Variants in CUX1 observed in about 807,000 individuals in gnomAD.
CUX1 encodes cut like homeobox 1, also known as protein CASP.
Under a neutral mutation model 158.8 loss-of-function variants are expected in CUX1, and 31 were observed. That is an observed-to-expected ratio of 0.20 (90% confidence interval 0.15 to 0.26). The LOEUF is 0.26. CUX1 is among the 10% of genes least tolerant of loss of function. The probability of loss-of-function intolerance (pLI) is 1.00; values close to 1 mark genes in which losing one functional copy is unlikely to be tolerated. For missense variants in CUX1, 1,589 were observed against 2,014.6 expected (o/e 0.79, Z 4.04); for synonymous variants, 879 against 862.1 (o/e 1.02, Z -0.34).
At chr7:101,832,353 A>G (rs145840862) in intron 1 of CUX1, among the ~76,000 whole-genome samples, 308 of 152,302 alleles carry the variant, frequency 2.0e-3, no homozygotes, top group Non-Finnish European at 3.6e-3. Context: ...CAGCAGGGGC[A>G]GGGAACAGCC....
At chr7:102,056,021 A>G (rs1236762464) in intron 3 of CUX1, among the ~76,000 whole-genome samples, 3 of 152,208 alleles carry the variant, frequency 2.0e-5, no homozygotes, top group Non-Finnish European at 2.9e-5. Flanking sequence ...AATTGTCTCA[A>G]GCCAAAGCCC....
rs190930525 is a variant in CUX1 at position 102,256,132 on chromosome 7, C to G, written c.*7090C>G. 1,793 of 985,376 alleles carry G rather than the reference C, an allele frequency of 1.8e-3. 1 individual carries two copies. The highest frequency in any genetic ancestry group is 2.1e-3 in the Non-Finnish European group (1,720 of 829,934). 61.0% of individuals were successfully genotyped at this position (985,376 alleles called of 1,614,324 possible). A position where few individuals can be genotyped will look rare whatever the true frequency, so the allele number is the denominator to read the frequency against. On this transcript the variant is annotated 3_prime_UTR_variant, in exon 24 of 24. Coordinates refer to ENST00000292535, the MANE Select transcript of CUX1 (RefSeq NM_181552.4). Reference sequence around the variant, plus strand: ...GCGTGCAGGGCCCGCGGGCTCTGGCCGGAGCCGCTGGCCTGACGAGGCAGG... The same window carrying G: ...GCGTGCAGGGCCCGCGGGCTCTGGCGGGAGCCGCTGGCCTGACGAGGCAGG...
Position 102,026,818 on chromosome 7 carries a change from TAAAAAAAAAAA to T in CUX1, c.142-1264_142-1254del, listed in dbSNP as rs10533217. On this transcript the variant is annotated intron_variant, in intron 2 of 23. Transcript: ENST00000292535. ...CTAGGCAACAGTGAGACTCCGTCTT[TAAAAAAAAAAA>T]AAAAAAAAAAAAAAACATAGTTTCA... 3.1e-5 allele frequency among the ~76,000 whole-genome samples: 3 copies of T among 96,316 alleles called. No individual in the cohort carries two copies. In the South Asian group the frequency reaches 1.1e-3, roughly 36 times the overall value. The allele number at this position is 96,316 out of a possible 152,430, so 63.2% of individuals were successfully genotyped here.
intron 8 of CUX1, among the ~76,000 whole-genome samples, chr7:102,150,945 T>G (rs919533243): frequency 2.0e-5 from 3 of 152,264 alleles, no homozygotes; most frequent in Admixed American, 6.5e-5. Context: ...TAAATCATTT[T>G]GCTGAGCAAA....
chr7:101,857,459 G>A (rs1359135303), intron 1 of CUX1, among the ~76,000 whole-genome samples: 1 of 152,230 alleles, frequency 6.6e-6, no homozygotes, highest in African/African-American at 2.4e-5. Flanking sequence ...GGGGACGGAT[G>A]AAAAATGAGG....
At chr7:101,991,777 A>G in intron 2 of CUX1, among the ~76,000 whole-genome samples, 1 of 140,010 alleles carries the variant, frequency 7.1e-6, no homozygotes, top group African/African-American at 2.6e-5. Flanking sequence ...AAAAAAAAAA[A>G]TCAGTTAGTA....
intron 1 of CUX1, among the ~76,000 whole-genome samples, chr7:101,863,173 C>T (rs1406860719): frequency 1.3e-5 from 2 of 151,896 alleles, no homozygotes; most frequent in East Asian, 1.9e-4. Flanking sequence ...AGCACACCCT[C>T]GAAAAATGAC....
Position 101,916,515 on chromosome 7 carries a change from G to A in CUX1, c.141+290G>A. On this transcript the variant is annotated intron_variant, in intron 2 of 23. Coordinates refer to ENST00000292535, the MANE Select transcript of CUX1 (RefSeq NM_181552.4). This position sits in a 1 kb window ranked among gnomAD's most constrained non-coding sequence, Gnocchi z 4.4. The stretch of plus-strand genomic sequence containing the variant: ...GTAAGAACACGTGGGCAGGTGTGTG[G>A]GTGTCTCAGACCCTCGAGCTCATCC... 3.0e-6 allele frequency: 1 copy of A among 334,850 alleles called. No homozygotes were observed. Among genetic ancestry groups the A allele is most frequent in the South Asian group, 2.5e-5 (1 of 39,828 alleles). The allele number at this position is 334,850 out of a possible 1,614,324, so 20.7% of individuals were successfully genotyped here.
intron 12 of CUX1, among the ~76,000 whole-genome samples, chr7:102,190,690 G>A (rs1247149261): frequency 1.3e-5 from 2 of 152,172 alleles, no homozygotes; most frequent in African/African-American, 4.8e-5. Context: ...GCTTCTCGCG[G>A]CTGGAGCTCT....
intron 1 of CUX1, among the ~76,000 whole-genome samples, chr7:101,900,716 G>T (rs1802053029): frequency 6.6e-6 from 1 of 152,058 alleles, no homozygotes; most frequent in Non-Finnish European, 1.5e-5. Context: ...ACAGCCACAG[G>T]TAGAGGTCTA....
At chr7:102,203,279 C>T (rs1326881611) in intron 18 of CUX1, among the ~76,000 whole-genome samples, 1 of 152,212 alleles carries the variant, frequency 6.6e-6, no homozygotes, top group Non-Finnish European at 1.5e-5. Flanking sequence ...AAGCACCCCT[C>T]TCCCCTAAAA....
At chr7:102,272,914 C>T (rs111925847) in intron 14 of CUX1, among the ~76,000 whole-genome samples, 3,067 of 152,244 alleles carry the variant, frequency 0.02, 95 homozygotes, top group African/African-American at 0.07. Flanking sequence ...CTTTCTCTGC[C>T]TCTCCTACCC....
intron 20 of CUX1, among the ~76,000 whole-genome samples, chr7:102,208,155 T>G (rs909042392): frequency 2.0e-5 from 3 of 151,714 alleles, no homozygotes; most frequent in Non-Finnish European, 4.4e-5. Context: ...GCCACTGCAC[T>G]CCAAGCTGGG....
At position 101,916,032 on chromosome 7, in the gene CUX1, G is replaced by A; in HGVS notation, c.31-83G>A. 1 of 960,684 alleles carries A rather than the reference G, an allele frequency of 1.0e-6. No individual in the cohort carries two copies. The highest frequency in any genetic ancestry group is 1.7e-6 in the Non-Finnish European group (1 of 592,050). The allele number at this position is 960,684 out of a possible 1,614,324, so 59.5% of individuals were successfully genotyped here. Reference sequence around the variant, plus strand: ...GAGCCACTGGGGTCTCTCCCCCAGTGTTCTGGTCAAATGCAAATAGGACCC... The same window carrying A: ...GAGCCACTGGGGTCTCTCCCCCAGTATTCTGGTCAAATGCAAATAGGACCC... On this transcript the variant is annotated intron_variant, in intron 1 of 23. Coordinates refer to ENST00000292535, the MANE Select transcript of CUX1 (RefSeq NM_181552.4). The surrounding 1 kb of genome is among the most constrained non-coding windows in gnomAD (Gnocchi z 4.4).
intron 2 of CUX1, among the ~76,000 whole-genome samples, chr7:102,018,113 T>C (rs190516551): frequency 3.1e-4 from 47 of 152,164 alleles, no homozygotes; most frequent in Admixed American, 1.2e-3. Flanking sequence ...CTTGCCACCA[T>C]GCCTGGGTAA....
At chr7:102,042,910 C>T (rs1307646398) in intron 3 of CUX1, among the ~76,000 whole-genome samples, 3 of 149,746 alleles carry the variant, frequency 2.0e-5, no homozygotes. Context: ...CTGCTTCAGC[C>T]TCCCAAGCAG....
chr7:102,277,933 GCCCCTCCCCCC>G lies in CUX1; in HGVS notation c.1564-13_1564-3del. ...AGGCCTCTCCCCCACCCCTTTCCTT[GCCCCTCCCCCC>G]CCAGGAGAACCGCCTGGCCCAGCAC... On this transcript the variant is annotated splice_polypyrimidine_tract_variant and splice_region_variant and intron_variant, in intron 17 of 22. Transcript: ENST00000292538. 1.3e-6 allele frequency: 1 copy of G among 799,650 alleles called. No homozygotes were observed. The highest frequency in any genetic ancestry group is 1.8e-6 in the Non-Finnish European group (1 of 560,292). 49.5% of individuals were successfully genotyped at this position (799,650 alleles called of 1,614,324 possible). A position where few individuals can be genotyped will look rare whatever the true frequency, so the allele number is the denominator to read the frequency against.
chr7:102,217,560 G>A (rs1554525314), intron 20 of CUX1, among the ~76,000 whole-genome samples: 1 of 152,256 alleles, frequency 6.6e-6, no homozygotes, highest in African/African-American at 2.4e-5. Context: ...CCCAGAGGGA[G>A]GGAGGCTCCA....
At chr7:102,094,049 T>C (rs1357006112) in intron 4 of CUX1, among the ~76,000 whole-genome samples, 5 of 152,214 alleles carry the variant, frequency 3.3e-5, no homozygotes, top group Admixed American at 6.5e-5. Flanking sequence ...AAAGCTATTA[T>C]TTCCGTAGAT....
Sources: gnomAD v4.1 joint callset for allele counts (sites outside exome capture counted in the v4.1 genomes callset) on GRCh38, gnomAD v4.1.1 for gene constraint, Gnocchi (gnomAD v3.1) non-coding constraint, MANE v1.5 for transcripts, NCBI Gene and HGNC (gene_info 2026-07-23, HGNC 2026-07-21) for gene names.